Variants in SV2C observed in about 807,000 individuals in gnomAD.
SV2C encodes the protein solute carrier family 22 member B3.
Under a neutral mutation model 79.7 loss-of-function variants are expected in SV2C, and 49 were observed. That is an observed-to-expected ratio of 0.61 (90% confidence interval 0.49 to 0.78). SV2C has a LOEUF of 0.78. SV2C is among the 30% of genes least tolerant of loss of function. The pLI, the probability that SV2C is intolerant of heterozygous loss-of-function variation, is 0.00. For missense variants in SV2C, 833 were observed against 912.9 expected, an observed-to-expected ratio of 0.91 and a Z score of 1.13; for synonymous variants, 334 against 333.2, an observed-to-expected ratio of 1.00 and a Z score of -0.03.
At chr5:76,238,175 A>G (rs1182102733) in intron 4 of SV2C, among the ~76,000 whole-genome samples, 1 of 151,892 alleles carries the variant, frequency 6.6e-6, no homozygotes, top group Non-Finnish European at 1.5e-5. Flanking sequence ...TGATCTCCTC[A>G]TTCCTATTAT....
chr5:75,955,888 A>G, the SV2C span, among the ~76,000 whole-genome samples: 1 of 152,192 alleles, frequency 6.6e-6, no homozygotes, highest in East Asian at 1.9e-4. Context: ...TTAAAAAGTC[A>G]GGAAACAACA....
chr5:76,090,880 G>A (rs1023396335), intron 1 of SV2C, among the ~76,000 whole-genome samples: 1 of 152,184 alleles, frequency 6.6e-6, no homozygotes, highest in African/African-American at 2.4e-5. Context: ...CAGCACGGAA[G>A]TTTCTGCAGC....
At chr5:76,037,303 TGGA>T in the SV2C span, among the ~76,000 whole-genome samples, 2 of 152,258 alleles carry the variant, frequency 1.3e-5, no homozygotes, top group African/African-American at 4.8e-5. Context: ...TTCGTTCCTT[TGGA>T]GGAGGAGAGG....
intron 12 of SV2C, among the ~76,000 whole-genome samples, chr5:76,343,956 G>A (rs1272991940): frequency 2.0e-5 from 3 of 152,180 alleles, no homozygotes; most frequent in Non-Finnish European, 4.4e-5. Context: ...TGGAGATTGA[G>A]GTTACAGTGA....
At chr5:75,941,156 C>T in the SV2C span, among the ~76,000 whole-genome samples, 7 of 152,202 alleles carry the variant, frequency 4.6e-5, no homozygotes, top group African/African-American at 1.7e-4. Context: ...GGTGCAATAC[C>T]AGCTTCAGTT....
At chr5:76,336,629 G>C (rs1373485439), downstream of SV2C, among the ~76,000 whole-genome samples, 1 of 152,152 alleles carries the variant, frequency 6.6e-6, no homozygotes, top group Non-Finnish European at 1.5e-5. Flanking sequence ...ACCAGACTCC[G>C]TCCGCAATCC....
At chr5:76,024,721 C>T in the SV2C span, among the ~76,000 whole-genome samples, 1 of 152,274 alleles carries the variant, frequency 6.6e-6, no homozygotes, top group East Asian at 1.9e-4. Flanking sequence ...AGGACACCCA[C>T]ATAGACCAAA....
intron 4 of SV2C, among the ~76,000 whole-genome samples, chr5:76,210,571 G>T (rs983867467): frequency 2.0e-5 from 3 of 152,310 alleles, no homozygotes; most frequent in Non-Finnish European, 4.4e-5. Flanking sequence ...GCCTCCACAT[G>T]TTCAACAACC....
chr5:75,898,086 C>T, the SV2C span, among the ~76,000 whole-genome samples: 1 of 152,116 alleles, frequency 6.6e-6, no homozygotes, highest in African/African-American at 2.4e-5. Flanking sequence ...ATTGCCCTGG[C>T]CAGAACTTCC....
intron 2 of SV2C, among the ~76,000 whole-genome samples, chr5:76,137,588 A>C (rs1315983462): frequency 1.3e-5 from 2 of 152,180 alleles, no homozygotes; most frequent in Non-Finnish European, 2.9e-5. Context: ...TGACTAATGA[A>C]GGTATCAGAC....
the SV2C span, among the ~76,000 whole-genome samples, chr5:76,009,401 C>T: frequency 6.6e-6 from 1 of 152,180 alleles, no homozygotes; most frequent in African/African-American, 2.4e-5. Flanking sequence ...CCAGAAATCC[C>T]ATTACTGGGT....
chr5:76,244,064 C>T (rs527714577), intron 4 of SV2C, among the ~76,000 whole-genome samples: 1 of 152,328 alleles, frequency 6.6e-6, no homozygotes, highest in East Asian at 1.9e-4. Context: ...CACCCATTCT[C>T]AGTCCAAGCC....
In SV2C at chr5:76,146,797, T is replaced by TAAAAAA. The variant is rs34569063; in HGVS notation, c.580+14485_580+14490dup. The stretch of plus-strand genomic sequence containing the variant: ...GATGATAAAGGAATGAGTTTTTTTT[T>TAAAAAA]AAAAAAAAAAAAAAAAAAAAAAAGC... On this transcript the variant is annotated intron_variant, in intron 2 of 12. Coordinates refer to ENST00000502798, the MANE Select transcript of SV2C (RefSeq NM_014979.4). Among the ~76,000 whole-genome samples, 174 of 39,284 alleles carry TAAAAAA rather than the reference T, an allele frequency of 4.4e-3. 5 individuals are homozygous for TAAAAAA. Among genetic ancestry groups the TAAAAAA allele is most frequent in the Non-Finnish European group, 4.7e-3 (112 of 23,684 alleles). 25.8% of individuals were successfully genotyped at this position (39,284 alleles called of 152,430 possible).
the SV2C span, among the ~76,000 whole-genome samples, chr5:75,979,248 C>A: frequency 6.6e-6 from 1 of 152,000 alleles, no homozygotes; most frequent in Non-Finnish European, 1.5e-5. Flanking sequence ...TCTTAGAGAC[C>A]TTAAAGAGGG....
the SV2C span, chr5:75,910,836 A>T: frequency 7.8e-7 from 1 of 1,284,788 alleles, no homozygotes; most frequent in Non-Finnish European, 1.1e-6. Flanking sequence ...GATGTCTTCT[A>T]CAGGGAAATG....
chr5:76,163,445 T>C lies in SV2C; in HGVS notation c.580+31115T>C, dbSNP rs140796373. On this transcript the variant is annotated intron_variant, in intron 2 of 12. Coordinates refer to ENST00000502798, the MANE Select transcript of SV2C (RefSeq NM_014979.4). The stretch of plus-strand genomic sequence containing the variant: ...TCAATATTTACGCATTAAGCTTGCA[T>C]AGTATAAATCAGCTCTGCTTGTTAA... Among the ~76,000 whole-genome samples the C allele has an allele frequency of 4.2e-3, 642 of 152,368 alleles. 7 individuals are homozygous for C. Among genetic ancestry groups the C allele is most frequent in the South Asian group, 0.028 (134 of 4,832 alleles).
At position 76,174,275 on chromosome 5, in the gene SV2C, C is replaced by G. The variant is rs1291569213; in HGVS notation, c.581-20644C>G. ...GCGTCGCCCCGTGCTCCCCGCGGGT[C>G]GCTACTCTAGGCGCCACGGCGGTCC... is the stretch of plus-strand genomic sequence containing the variant. On this transcript the variant is annotated intron_variant, in intron 2 of 12. Transcript: ENST00000502798. The G allele has an allele frequency of 3.7e-6, 5 of 1,333,548 alleles. No individual in the cohort carries two copies. The African/African-American group carries it at 5.8e-5, about 15-fold the overall frequency. 82.6% of individuals were successfully genotyped at this position (1,333,548 alleles called of 1,614,324 possible). A position where few individuals can be genotyped will look rare whatever the true frequency, so the allele number is the denominator to read the frequency against.
chr5:75,899,046 G>T, the SV2C span, among the ~76,000 whole-genome samples: 1 of 152,144 alleles, frequency 6.6e-6, no homozygotes, highest in South Asian at 2.1e-4. Flanking sequence ...TTTGTTGAAG[G>T]GTTTTTTGTG....
chr5:76,224,505 A>G (rs945745254), intron 4 of SV2C, among the ~76,000 whole-genome samples: 1 of 152,200 alleles, frequency 6.6e-6, no homozygotes, highest in African/African-American at 2.4e-5. Flanking sequence ...CTGTGTTTCT[A>G]AATTAACTTT....
Sources: gnomAD v4.1 joint callset for allele counts (sites outside exome capture counted in the v4.1 genomes callset) on GRCh38, gnomAD v4.1.1 for gene constraint, MANE v1.5 for transcripts, NCBI Gene and HGNC (gene_info 2026-07-23, HGNC 2026-07-21) for gene names.